NRXN3: variants seen among roughly 807,000 people sequenced by gnomAD.
NRXN3 encodes the protein neurexin III.
In NRXN3, 32 loss-of-function variants were observed where a neutral mutation model predicts 137.6. The ratio of observed to expected loss-of-function variants is 0.23; its 90% CI spans 0.18 to 0.31. The LOEUF is 0.31. NRXN3 is among the 10% of genes least tolerant of loss of function. The pLI, the probability that NRXN3 is intolerant of heterozygous loss-of-function variation, is 1.00. For missense variants in NRXN3, 1,574 were observed against 2,062.5 expected (o/e 0.76, Z 4.59); for synonymous variants, 798 against 784.5 (o/e 1.02, Z -0.29).
At chr14:79,059,343 C>T (rs1033634458) in intron 15 of NRXN3, among the ~76,000 whole-genome samples, 1 of 150,248 alleles carries the variant, frequency 6.7e-6, no homozygotes, top group African/African-American at 2.5e-5. Flanking sequence ...CTGCAAGCTC[C>T]GCCTCCCGGG....
intron 4 of NRXN3, among the ~76,000 whole-genome samples, chr14:78,411,294 T>C (rs2092814229): frequency 6.6e-6 from 1 of 152,164 alleles, no homozygotes; most frequent in African/African-American, 2.4e-5. Flanking sequence ...TATTATTATG[T>C]TTGCTTTTGA....
chr14:79,523,314 T>C (rs547153790), intron 16 of NRXN3, among the ~76,000 whole-genome samples: 1 of 152,326 alleles, frequency 6.6e-6, no homozygotes, highest in South Asian at 2.1e-4. Flanking sequence ...TTTCTCATGA[T>C]GAGAGCTGTT....
chr14:78,738,456 C>T (rs567655777), intron 8 of NRXN3, among the ~76,000 whole-genome samples: 23 of 152,266 alleles, frequency 1.5e-4, no homozygotes, highest in African/African-American at 5.5e-4. Flanking sequence ...CTCCCATTTA[C>T]CTCTCAGACC....
chr14:78,929,585 C>T (rs1475408691), intron 10 of NRXN3, among the ~76,000 whole-genome samples: 1 of 152,092 alleles, frequency 6.6e-6, no homozygotes, highest in Non-Finnish European at 1.5e-5. Flanking sequence ...TATGCTTTAT[C>T]AAGTCTATCG....
intron 15 of NRXN3, among the ~76,000 whole-genome samples, chr14:79,421,862 T>G (rs1313788039): frequency 1.3e-5 from 2 of 152,202 alleles, no homozygotes; most frequent in Non-Finnish European, 2.9e-5. Context: ...TTCTCTGTGC[T>G]TAGGTGATTT....
rs377655636 is a variant in NRXN3, at chr14:78,390,289, A to G, written c.757+92429A>G. Among the ~76,000 whole-genome samples, 13 of 152,260 alleles carry G rather than the reference A, an allele frequency of 8.5e-5. No individual in the cohort carries two copies. The East Asian group carries it at 9.7e-4, about 11-fold the overall frequency. ...AATAAAGTTTTATTGGAACACAGCG[A>G]TATTTATTTCTGTGTTATCTATTGT... On this transcript the variant is annotated intron_variant, in intron 4 of 20. Coordinates refer to ENST00000335750, the MANE Select transcript of NRXN3 (RefSeq NM_001330195.2).
intron 18 of NRXN3, 78 bp from the exon 19 acceptor site, chr14:79,697,552 C>A (rs2098740036): frequency 9.5e-6 from 14 of 1,479,088 alleles, no homozygotes; most frequent in Non-Finnish European, 9.1e-7. Context: ...TGTTATGATG[C>A]CTGGTCCATT....
intron 16 of NRXN3, among the ~76,000 whole-genome samples, chr14:79,662,067 T>G (rs550104048): frequency 6.6e-6 from 1 of 152,156 alleles, no homozygotes; most frequent in Non-Finnish European, 1.5e-5. Context: ...CTGGCACTTC[T>G]CCTTCCTGCT....
At chr14:79,016,491 A>G (rs962011912) in intron 15 of NRXN3, among the ~76,000 whole-genome samples, 1 of 152,150 alleles carries the variant, frequency 6.6e-6, no homozygotes, top group Admixed American at 6.5e-5. Flanking sequence ...CCTAGTTTAT[A>G]CTCAAAGTGT....
chr14:79,247,041 A>G (rs1027387808), intron 15 of NRXN3: 6 of 152,196 alleles, frequency 3.9e-5, no homozygotes, highest in African/African-American at 1.4e-4. Context: ...GAATTTGTAA[A>G]CCCAGCCCAT....
At chr14:78,907,723 G>T (rs1047059967) in intron 10 of NRXN3, among the ~76,000 whole-genome samples, 3 of 151,908 alleles carry the variant, frequency 2.0e-5, no homozygotes, top group African/African-American at 4.8e-5. Context: ...TTGTTGTACC[G>T]ATTATTTTAT....
intron 4 of NRXN3, among the ~76,000 whole-genome samples, chr14:78,383,429 T>A (rs951756251): frequency 5.3e-5 from 8 of 152,220 alleles, no homozygotes; most frequent in Non-Finnish European, 1.2e-4. Flanking sequence ...TGCAGAGAGA[T>A]ACCTGGGGAG....
chr14:78,709,151 G>GT, intron 6 of NRXN3, 66 bp from the exon 7 acceptor site: 1 of 1,461,672 alleles, frequency 6.8e-7, no homozygotes, highest in Non-Finnish European at 9.3e-7. Context: ...CAGGTGCCCA[G>GT]TGAGTGATGG....
intron 10 of NRXN3, among the ~76,000 whole-genome samples, chr14:78,869,421 G>T (rs1379463117): frequency 6.6e-6 from 1 of 150,566 alleles, no homozygotes; most frequent in African/African-American, 2.5e-5. Flanking sequence ...TCTCCCACTT[G>T]CTTGAAACCA....
chr14:79,511,238 A>T (rs993069451), intron 16 of NRXN3, among the ~76,000 whole-genome samples: 6 of 152,210 alleles, frequency 3.9e-5, no homozygotes, highest in African/African-American at 1.4e-4. Context: ...TGAAAATTAT[A>T]TTCAAGCTTT....
intron 16 of NRXN3, among the ~76,000 whole-genome samples, chr14:79,586,151 C>T (rs921555423): frequency 6.6e-6 from 1 of 152,170 alleles, no homozygotes; most frequent in African/African-American, 2.4e-5. Flanking sequence ...AATTAGGATT[C>T]CAAATTAAAG....
At chr14:78,964,201 T>C (rs2099413296) in intron 11 of NRXN3, among the ~76,000 whole-genome samples, 1 of 152,240 alleles carries the variant, frequency 6.6e-6, no homozygotes, top group Non-Finnish European at 1.5e-5. Context: ...CTCCCTTTTT[T>C]TGTCACTGTA....
chr14:79,646,172 G>A (rs1350789984), intron 16 of NRXN3, among the ~76,000 whole-genome samples: 5 of 135,476 alleles, frequency 3.7e-5, no homozygotes, highest in African/African-American at 1.2e-4. Flanking sequence ...TTTCATTAGA[G>A]GCAGTGGTAT....
At chr14:79,092,177 G>T (rs1481788099) in intron 15 of NRXN3, among the ~76,000 whole-genome samples, 1 of 152,152 alleles carries the variant, frequency 6.6e-6, no homozygotes, top group African/African-American at 2.4e-5. Flanking sequence ...GTTCTAATAT[G>T]CAGGGAACAC....
Sources: allele counts gnomAD v4.1 joint callset (sites outside exome capture counted in the v4.1 genomes callset), GRCh38; gene constraint gnomAD v4.1.1; transcripts MANE v1.5; gene names NCBI Gene and HGNC (gene_info 2026-07-23, HGNC 2026-07-21).